Variants in RASL12 observed in about 807,000 individuals in gnomAD.
The protein encoded by RASL12 is ras-like protein family member 12.
Under a neutral mutation model 22.9 loss-of-function variants are expected in RASL12, and 16 were observed. The ratio of observed to expected loss-of-function variants is 0.70; its 90% CI spans 0.47 to 1.06. The LOEUF (loss-of-function observed/expected upper bound fraction) is 1.06, where lower values mean the gene tolerates loss of function less well. Ranked by LOEUF, RASL12 falls within the 50% of genes least tolerant of loss-of-function variation. RASL12 has a pLI of 0.00. For synonymous variants in RASL12, 159 were observed against 152.2 expected (o/e 1.04, Z -0.33); for missense variants, 306 against 353.1 (o/e 0.87, Z 1.07).
rs537047135 is a variant in RASL12 at position 65,058,409 on chromosome 15, C to T, written c.425+18G>A. ...GAAAGCGAGCTCTGGAGATAACGGC[C>T]AAGCAGGCTGTGCTCACCTGTACTG... On this transcript the variant is annotated intron_variant, in intron 4 of 4. Transcript: ENST00000220062. The T allele has an allele frequency of 1.5e-5, 22 of 1,428,514 alleles. No individual in the cohort carries two copies. The South Asian group carries it at 3.6e-4, about 24-fold the overall frequency. 88.5% of individuals were successfully genotyped at this position (1,428,514 alleles called of 1,614,324 possible). A position where few individuals can be genotyped will look rare whatever the true frequency, so the allele number is the denominator to read the frequency against.
At chr15:65,064,292 C>CT (rs1452927877) in intron 2 of RASL12, among the ~76,000 whole-genome samples, 1 of 152,182 alleles carries the variant, frequency 6.6e-6, no homozygotes, top group Non-Finnish European at 1.5e-5. Flanking sequence ...CAGCAATTCT[C>CT]TAACTATTTT....
At chr15:65,056,982 TG>T (rs1264351245) in intron 4 of RASL12, among the ~76,000 whole-genome samples, 2 of 152,196 alleles carry the variant, frequency 1.3e-5, no homozygotes, top group Non-Finnish European at 2.9e-5. Context: ...TACTGAAAAC[TG>T]GCCTACTCAC....
chr15:65,054,973 C>T lies in RASL12; in HGVS notation c.727G>A (p.Val243Met), dbSNP rs553620483. The T allele has an allele frequency of 6.2e-5, 100 of 1,614,064 alleles. No homozygotes were observed. The highest frequency in any genetic ancestry group is 3.3e-4 in the Admixed American group (20 of 60,006). ...PTVAQAKLVT[V>M]KSSRAQSKRK... ...TTGCTCTGGGCCCGGGATGACTTCA[C>T]GGTGACCAGCTTGGCCTGGGCCACA... The change falls in exon 5 of 5, where the codon GTG becomes ATG. Residue 243 changes from valine to methionine, a missense_variant. Val to Met is a conservative substitution (Grantham distance 21). Coordinates refer to ENST00000220062, the MANE Select transcript of RASL12 (RefSeq NM_016563.4).
chr15:65,046,740 C>T, the RASL12 span, among the ~76,000 whole-genome samples: 1 of 151,986 alleles, frequency 6.6e-6, no homozygotes, highest in Non-Finnish European at 1.5e-5. Flanking sequence ...TGATGAAACC[C>T]CATCGCTACA....
rs2086774030 is a variant in RASL12, at chr15:65,059,321, CATAGGTA to C, written c.234+17_234+23del. The stretch of plus-strand genomic sequence containing the variant: ...GAGGCTATACTGACTCACAGCAGTG[CATAGGTA>C]ATGGAGGTAATGTTACCAGGTCTGC... On this transcript the variant is annotated intron_variant, in intron 3 of 4. Coordinates refer to ENST00000220062, the MANE Select transcript of RASL12 (RefSeq NM_016563.4). 6.2e-7 allele frequency: 1 copy of C among 1,603,008 alleles called. No individual in the cohort carries two copies. The highest frequency in any genetic ancestry group is 8.5e-7 in the Non-Finnish European group (1 of 1,170,048).
At position 65,067,703 on chromosome 15, in the gene RASL12, TGGCGGCTCAGGCTCCCC is replaced by T; in HGVS notation, c.103+13_103+29del. Reference sequence around the variant, plus strand: ...CCCCACCCACGCCCAGCTCCGCACTTGGCGGCTCAGGCTCCCCGGCGCCACTCACCAGACTTGCCAGC... The same window carrying T: ...CCCCACCCACGCCCAGCTCCGCACTTGGCGCCACTCACCAGACTTGCCAGC... On this transcript the variant is annotated intron_variant, in intron 1 of 4. Transcript: ENST00000220062. 1 of 1,528,656 alleles carries T rather than the reference TGGCGGCTCAGGCTCCCC, an allele frequency of 6.5e-7. No individual in the cohort carries two copies. Among genetic ancestry groups the T allele is most frequent in the Non-Finnish European group, 8.8e-7 (1 of 1,140,186 alleles). 94.7% of individuals were successfully genotyped at this position (1,528,656 alleles called of 1,614,324 possible).
At chr15:65,068,105 C>G, upstream of RASL12, 1 of 1,042,888 alleles carries the variant, frequency 9.6e-7, no homozygotes, top group Non-Finnish European at 1.2e-6. The surrounding 1 kb of genome is among the most constrained non-coding windows in gnomAD (Gnocchi z 4.2). Flanking sequence ...TCAGCCGGCT[C>G]CTGGAGCAGG....
downstream of RASL12, chr15:65,050,195 G>T (rs192060346): frequency 5.4e-4 from 522 of 962,610 alleles, 2 homozygotes; most frequent in African/African-American, 6.8e-3. Flanking sequence ...GTCCCCTCCA[G>T]GTCAGGCGGT....
At position 65,054,543 on chromosome 15, in the gene RASL12, A is replaced by C; in HGVS notation, c.*356T>G. On this transcript the variant is annotated 3_prime_UTR_variant, in exon 5 of 5. Transcript: ENST00000220062. The stretch of plus-strand genomic sequence containing the variant: ...GAGCCATCCACCCAGACCATCCACT[A>C]AGGCCACAGCTGGCCCAACTGTAGC... 1 of 1,062,634 alleles carries C rather than the reference A, an allele frequency of 9.4e-7. No homozygotes were observed. Among genetic ancestry groups the C allele is most frequent in the East Asian group, 6.7e-5 (1 of 14,872 alleles). 65.8% of individuals were successfully genotyped at this position (1,062,634 alleles called of 1,614,324 possible).
chr15:65,050,243 C>T, downstream of RASL12: 1 of 689,332 alleles, frequency 1.5e-6, no homozygotes. Flanking sequence ...CGGGGTGTCT[C>T]AGTACCCAGA....
At chr15:65,064,234 T>G (rs897719010) in intron 2 of RASL12, among the ~76,000 whole-genome samples, 11 of 152,202 alleles carry the variant, frequency 7.2e-5, no homozygotes, top group African/African-American at 2.7e-4. Flanking sequence ...CTACTGTGGG[T>G]CAAGTACTAG....
intron 1 of RASL12, chr15:65,076,504 C>A: frequency 1.5e-6 from 1 of 687,244 alleles, no homozygotes; most frequent in Non-Finnish European, 2.6e-6. Flanking sequence ...TCCAGACACG[C>A]TACCTTAAGA....
At position 65,058,419 on chromosome 15, in the gene RASL12, G is replaced by A. The variant is rs1189616989; in HGVS notation, c.425+8C>T. 6.8e-7 allele frequency: 1 copy of A among 1,480,518 alleles called. No homozygotes were observed. The highest frequency in any genetic ancestry group is 9.1e-7 in the Non-Finnish European group (1 of 1,104,064). The allele number at this position is 1,480,518 out of a possible 1,614,324, so 91.7% of individuals were successfully genotyped here. A position where few individuals can be genotyped will look rare whatever the true frequency, so the allele number is the denominator to read the frequency against. On this transcript the variant is annotated splice_region_variant and intron_variant, in intron 4 of 4. Coordinates refer to ENST00000220062, the MANE Select transcript of RASL12 (RefSeq NM_016563.4). ...TCTGGAGATAACGGCCAAGCAGGCT[G>A]TGCTCACCTGTACTGAGCCATGTCC...
chr15:65,058,603 G>A lies in RASL12; in HGVS notation c.249C>T (p.Asn83=). The A allele has an allele frequency of 6.4e-7, 1 of 1,561,864 alleles. No homozygotes were observed. ...MDTADLDTPR[N]CERYLNWAHA... ...GGGCCCAGTTCAGGTAGCGCTCGCA[G>A]TTCCTGGGGGTGTCCTGGGGTGAAG... The change falls in exon 4 of 5, where the codon AAC becomes AAT. Residue 83 remains asparagine (N), a synonymous_variant. Transcript: ENST00000220062.
intron 1 of RASL12, among the ~76,000 whole-genome samples, chr15:65,074,724 C>G (rs1033825616): frequency 3.3e-5 from 5 of 152,190 alleles, no homozygotes; most frequent in African/African-American, 1.2e-4. Flanking sequence ...ACATGAGGAA[C>G]GGTTAGGACA....
chr15:65,068,150 G>A, upstream of RASL12: 1 of 1,012,436 alleles, frequency 9.9e-7, no homozygotes, highest in Non-Finnish European at 1.2e-6. This position sits in a 1 kb window ranked among gnomAD's most constrained non-coding sequence, Gnocchi z 4.2. Context: ...CCCACCGCCG[G>A]GCTGGGCCTC....
intron 2 of RASL12, 68 bp downstream of exon 2, chr15:65,065,149 G>T: frequency 6.7e-7 from 1 of 1,498,042 alleles, no homozygotes; most frequent in Non-Finnish European, 9.2e-7. Context: ...CCCACCCACG[G>T]GGTGGGTCCC....
chr15:65,075,165 C>T (rs1195613393), intron 1 of RASL12, among the ~76,000 whole-genome samples: 5 of 152,334 alleles, frequency 3.3e-5, no homozygotes, highest in Non-Finnish European at 2.9e-5. Context: ...ACTTTGCACC[C>T]GGGCCAGTGG....
chr15:65,053,604 T>C lies in RASL12; in HGVS notation c.*1295A>G. ...ACTGGGTCAGAGATGCTGTTTGCAA[T>C]CCAACAGTAGTCCTGAGACGGCTGA... On this transcript the variant is annotated 3_prime_UTR_variant, in exon 5 of 5. Transcript: ENST00000220062. 1.0e-6 allele frequency: 1 copy of C among 996,768 alleles called. No homozygotes were observed. Among genetic ancestry groups the C allele is most frequent in the Admixed American group, 5.6e-5 (1 of 17,702 alleles). 61.7% of individuals were successfully genotyped at this position (996,768 alleles called of 1,614,324 possible).
Sources: gnomAD v4.1 joint callset for allele counts (sites outside exome capture counted in the v4.1 genomes callset) on GRCh38, gnomAD v4.1.1 for gene constraint, Gnocchi (gnomAD v3.1) non-coding constraint, MANE v1.5 for transcripts, NCBI Gene and HGNC (gene_info 2026-07-23, HGNC 2026-07-21) for gene names.